TTLL12: variants seen among roughly 807,000 people sequenced by gnomAD.
The protein encoded by TTLL12 is tubulin tyrosine ligase like 12, also known as tubulin--tyrosine ligase-like protein 12.
In TTLL12, 77 loss-of-function variants were observed where a neutral mutation model predicts 79.6. The ratio of observed to expected loss-of-function variants is 0.97; its 90% confidence interval spans 0.81 to 1.17. The LOEUF is 1.17. TTLL12 is among the 50% of genes most tolerant of loss of function. The probability of loss-of-function intolerance (pLI) is 0.00; values close to 1 mark genes in which losing one functional copy is unlikely to be tolerated. For synonymous variants in TTLL12, 437 were observed against 376.1 expected (o/e 1.16, Z -1.87); for missense variants, 969 against 895.9 (o/e 1.08, Z -1.04).
At chr22:43,176,546 A>G (rs1271753596) in intron 5 of TTLL12, 150 bp from the exon 6 acceptor site, 8 of 671,932 alleles carry the variant, frequency 1.2e-5, no homozygotes, top group South Asian at 8.4e-5. Context: ...CCTGGCCAAC[A>G]TGGCAAAATC....
Position 43,168,830 on chromosome 22 carries a change from G to A in TTLL12, c.1727C>T (p.Ser576Leu). 5.6e-6 allele frequency: 9 copies of A among 1,597,744 alleles called. No individual in the cohort carries two copies. Among genetic ancestry groups the A allele is most frequent in the Non-Finnish European group, 7.7e-6 (9 of 1,172,670 alleles). Residue 576 changes from serine (S) to leucine (L), a missense_variant, in exon 13 of 14, where the codon TCA becomes TTA. Ser to Leu is a moderately radical substitution (Grantham distance 145). Transcript: ENST00000216129. ...GTCGACGGCATACATGGCCCGGGAT[G>A]AGGGGTAGTCGCAGAGGCCCAGGGG... Reference protein sequence around the residue: ...PPPLGLCDYPSSRAMYAVDLM... With the variant: ...PPPLGLCDYPLSRAMYAVDLM...
Position 43,176,364 on chromosome 22 carries a change from T to C in TTLL12, c.873A>G (p.Pro291=). 6.2e-7 allele frequency: 1 copy of C among 1,605,552 alleles called. No individual in the cohort carries two copies. The highest frequency in any genetic ancestry group is 8.5e-7 in the Non-Finnish European group (1 of 1,177,134). The change falls in exon 6 of 14, where the codon CCA becomes CCG. Residue 291 remains proline, a synonymous_variant. Transcript: ENST00000216129. Reference sequence around the variant, plus strand: ...GGTGCACCACGGGGTTGATGTCAAGTGGCAGCTTCTCCTTGTTTTCCTCCA... The same window carrying C: ...GGTGCACCACGGGGTTGATGTCAAGCGGCAGCTTCTCCTTGTTTTCCTCCA... ...AILEENKEKL[P]LDINPVVHPH...
Position 43,166,974 on chromosome 22 carries a change from A to T in TTLL12, c.*1034T>A, listed in dbSNP as rs2147063952. The T allele has an allele frequency of 6.2e-6, 2 of 324,402 alleles. No homozygotes were observed. The highest frequency in any genetic ancestry group is 5.1e-5 in the South Asian group (2 of 39,160). The allele number at this position is 324,402 out of a possible 1,614,324, so 20.1% of individuals were successfully genotyped here. On this transcript the variant is annotated 3_prime_UTR_variant, in exon 14 of 14. Coordinates refer to ENST00000216129, the MANE Select transcript of TTLL12 (RefSeq NM_015140.4). ...CACCCACTGCCCGTGAGCTGGGCCC[A>T]GGCACACTGCAGCCACACAAAAACG...
intron 5 of TTLL12, among the ~76,000 whole-genome samples, chr22:43,177,590 A>G (rs1569485504): frequency 2.6e-5 from 4 of 152,190 alleles, no homozygotes; most frequent in Non-Finnish European, 4.4e-5. Context: ...GCTCTGGGAG[A>G]AATCAGGTGC....
chr22:43,176,108 G>C lies in TTLL12; in HGVS notation c.917+212C>G, dbSNP rs138487869. Among the ~76,000 whole-genome samples, 59 of 151,812 alleles carry C rather than the reference G, an allele frequency of 3.9e-4. No homozygotes were observed. In the Middle Eastern group the frequency reaches 0.01, roughly 26 times the overall value. On this transcript the variant is annotated intron_variant, in intron 6 of 13. Transcript: ENST00000216129. ...TCAAAAAAAAAAAAATCTCCAGAAA[G>C]CCCTGCTCGCTCTCTCACTTTCTGC...
intron 10 of TTLL12, 52 bp from the exon 11 acceptor site, chr22:43,171,952 G>T (rs76810451): frequency 2.0e-6 from 3 of 1,521,170 alleles, no homozygotes; most frequent in Non-Finnish European, 1.8e-6. Flanking sequence ...CCTTGTCCCT[G>T]CGAGGGAGGT....
At chr22:43,184,316 A>G (rs1014590895) in intron 1 of TTLL12, among the ~76,000 whole-genome samples, 3 of 152,238 alleles carry the variant, frequency 2.0e-5, no homozygotes, top group Admixed American at 6.5e-5. Context: ...TGGTGGCGTG[A>G]GGATGAATCA....
chr22:43,184,213 G>A (rs1485883418), intron 1 of TTLL12, among the ~76,000 whole-genome samples: 1 of 152,216 alleles, frequency 6.6e-6, no homozygotes, highest in Non-Finnish European at 1.5e-5. Flanking sequence ...TCCCTAAAAC[G>A]TATTTCCCAC....
In TTLL12 at chr22:43,168,833, G is replaced by A; in HGVS notation, c.1724C>T (p.Pro575Leu). The change falls in exon 13 of 14, where the codon CCC becomes CTC. Residue 575 changes from proline (P) to leucine (L), a missense_variant. By Grantham distance (98) the Pro-to-Leu change is moderately conservative. Transcript: ENST00000216129. ...KPPPLGLCDY[P>L]SSRAMYAVDL... ...GACGGCATACATGGCCCGGGATGAG[G>A]GGTAGTCGCAGAGGCCCAGGGGTGG... The A allele has an allele frequency of 6.3e-7, 1 of 1,599,360 alleles. No individual in the cohort carries two copies. Among genetic ancestry groups the A allele is most frequent in the South Asian group, 1.1e-5 (1 of 88,550 alleles).
chr22:43,174,244 G>A lies in TTLL12; in HGVS notation c.1194C>T (p.Pro398=). The A allele has an allele frequency of 6.2e-7, 1 of 1,607,600 alleles. No homozygotes were observed. Among genetic ancestry groups the A allele is most frequent in the South Asian group, 1.1e-5 (1 of 91,076 alleles). ...PRTFNLRTEL[P]QFVSYFQQRE... ...GCTGCTGGAAGTAGCTGACAAACTG[G>A]GGCAGCTCAGTGCGCAGGTTGAAGG... The change falls in exon 8 of 14, where the codon CCC becomes CCT. Residue 398 remains proline (P), a synonymous_variant. Coordinates refer to ENST00000216129, the MANE Select transcript of TTLL12 (RefSeq NM_015140.4).
Position 43,168,307 on chromosome 22 carries a change from T to C in TTLL12, c.1784-148A>G, listed in dbSNP as rs148867850. 4.5e-4 allele frequency: 538 copies of C among 1,189,328 alleles called. 3 individuals are homozygous for C. The African/African-American group carries it at 7.6e-3, about 17-fold the overall frequency. 73.7% of individuals were successfully genotyped at this position (1,189,328 alleles called of 1,614,324 possible). A position where few individuals can be genotyped will look rare whatever the true frequency, so the allele number is the denominator to read the frequency against. ...AGCAGGACAAGGCCGGGCCTAGAACTTGGGTCTCTTGACTTTGCTGGGGAG... is the reference window on the plus strand; with the variant it reads ...AGCAGGACAAGGCCGGGCCTAGAACCTGGGTCTCTTGACTTTGCTGGGGAG... On this transcript the variant is annotated intron_variant, in intron 13 of 13. Transcript: ENST00000216129.
chr22:43,174,165 G>T (rs749563136), intron 8 of TTLL12, 44 bp downstream of exon 8: 2 of 1,578,840 alleles, frequency 1.3e-6, no homozygotes, highest in East Asian at 4.5e-5. Context: ...GCTGGGCCGG[G>T]GAAAAGGGCC....
At chr22:43,170,011 A>G in intron 11 of TTLL12, 1 of 385,194 alleles carries the variant, frequency 2.6e-6, no homozygotes, top group Non-Finnish European at 5.2e-6. Flanking sequence ...CACCAGCTCA[A>G]GAGTGCTTGA....
Position 43,171,800 on chromosome 22 carries a change from C to T in TTLL12, c.1575+19G>A, listed in dbSNP as rs775374682. 1.1e-5 allele frequency: 18 copies of T among 1,611,664 alleles called. No homozygotes were observed. In the South Asian group the frequency reaches 2.0e-4, roughly 18 times the overall value. On this transcript the variant is annotated intron_variant, in intron 11 of 13. Coordinates refer to ENST00000216129, the MANE Select transcript of TTLL12 (RefSeq NM_015140.4). ...CTGGCCTCTGTGTGAACCTGCTCTG[C>T]ACCTCCCTCAGGCCCTACCTGCTTC...
intron 11 of TTLL12, chr22:43,169,864 C>G: frequency 2.0e-6 from 1 of 501,378 alleles, no homozygotes; most frequent in South Asian, 1.5e-5. Flanking sequence ...CTGTGAGGCT[C>G]ACGCGAGACA....
chr22:43,174,510 G>A lies in TTLL12; in HGVS notation c.1023C>T (p.Phe341=), dbSNP rs748650299. 3.7e-6 allele frequency: 6 copies of A among 1,611,612 alleles called. No individual in the cohort carries two copies. The highest frequency in any genetic ancestry group is 5.1e-6 in the Non-Finnish European group (6 of 1,178,554). The change falls in exon 7 of 14, where the codon TTC becomes TTT. Residue 341 remains phenylalanine (F), a synonymous_variant. Transcript: ENST00000216129. The part of the protein sequence containing the change: ...DADILFNFSH[F]KDYRKLSQER... ...AGAGGTGCCCTCACCTGTAGTCCTT[G>A]AAGTGTGAGAAGTTGAAGAGGATGT...
At position 43,171,236 on chromosome 22, in the gene TTLL12, C is replaced by T. The variant is rs529065701; in HGVS notation, c.1575+583G>A. Among the ~76,000 whole-genome samples, 5 of 152,332 alleles carry T rather than the reference C, an allele frequency of 3.3e-5. No homozygotes were observed. The East Asian group carries it at 5.8e-4, about 18-fold the overall frequency. The stretch of plus-strand genomic sequence containing the variant: ...TGTGCAGGCTGTGCCTACCTGTCCA[C>T]GTACACTGGCTGGCCAGCTCTGGTT... On this transcript the variant is annotated intron_variant, in intron 11 of 13. Transcript: ENST00000216129.
intron 11 of TTLL12, 80 bp downstream of exon 11, chr22:43,171,711 TGGGACTGGCCTGTGTGCCAGTCCTCCTA>T: frequency 1.2e-6 from 1 of 851,042 alleles, no homozygotes; most frequent in Non-Finnish European, 1.9e-6. Context: ...AGGCGGCTCC[TGGGACTGGCCTGTGTGCCAGTCCTCCTA>T]GGAGGCAGTG....
chr22:43,168,627 C>T lies in TTLL12; in HGVS notation c.1783+147G>A, dbSNP rs1931679775. On this transcript the variant is annotated intron_variant, in intron 13 of 13. Transcript: ENST00000216129. ...CTGCACCGCAGGCACTTCCTGTGGG[C>T]CAAGCCAGGGCTTTCCCCAACCCAG... 3.3e-6 allele frequency: 4 copies of T among 1,196,214 alleles called. No homozygotes were observed. In the South Asian group the frequency reaches 4.3e-5, roughly 13 times the overall value. 74.1% of individuals were successfully genotyped at this position (1,196,214 alleles called of 1,614,324 possible).
Sources: gnomAD v4.1 joint callset for allele counts (sites outside exome capture counted in the v4.1 genomes callset) on GRCh38, gnomAD v4.1.1 for gene constraint, MANE v1.5 for transcripts, NCBI Gene and HGNC (gene_info 2026-07-23, HGNC 2026-07-21) for gene names.